RBFOX1: variants seen among roughly 807,000 people sequenced by gnomAD.
RBFOX1 encodes RNA binding protein fox-1 homolog 1.
A neutral mutation model predicts 57.7 loss-of-function variants in RBFOX1; 8 were observed. The observed-to-expected ratio is 0.14, with a 90% CI of 0.08 to 0.25. The LOEUF is 0.25. RBFOX1 is among the 10% of genes least tolerant of loss of function. RBFOX1 has a pLI of 1.00. For synonymous variants in RBFOX1, 326 were observed against 222.4 expected (o/e 1.47, Z -4.15); for missense variants, 611 against 548.5 (o/e 1.11, Z -1.14).
intron 1 of RBFOX1, among the ~76,000 whole-genome samples, chr16:6,169,595 G>A (rs2096943189): frequency 6.6e-6 from 1 of 152,126 alleles, no homozygotes; most frequent in Non-Finnish European, 1.5e-5. Flanking sequence ...AGGGAAATGA[G>A]GTACAGAAAT....
At chr16:6,826,007 G>C (rs143913714) in intron 3 of RBFOX1, among the ~76,000 whole-genome samples, 23 of 152,228 alleles carry the variant, frequency 1.5e-4, no homozygotes, top group African/African-American at 5.1e-4. Context: ...TTTACATTTT[G>C]GGTAGGCCGA....
intron 1 of RBFOX1, among the ~76,000 whole-genome samples, chr16:6,108,660 A>T (rs895431207): frequency 6.6e-6 from 1 of 152,072 alleles, no homozygotes; most frequent in Non-Finnish European, 1.5e-5. Flanking sequence ...AGATGACAGA[A>T]CTCTGAAGTC....
intron 2 of RBFOX1, among the ~76,000 whole-genome samples, chr16:6,496,102 C>A (rs553956055): frequency 6.6e-6 from 1 of 152,276 alleles, no homozygotes; most frequent in African/African-American, 2.4e-5. Flanking sequence ...ATATGTGCTA[C>A]TCTGGGGTGT....
chr16:7,511,588 C>A (rs954906371), intron 4 of RBFOX1, among the ~76,000 whole-genome samples: 5 of 152,278 alleles, frequency 3.3e-5, no homozygotes, highest in Non-Finnish European at 5.9e-5. Flanking sequence ...CAGGCTATTT[C>A]ATGCTTCAGT....
chr16:6,575,227 C>T (rs1390280139), intron 2 of RBFOX1, among the ~76,000 whole-genome samples: 1 of 152,122 alleles, frequency 6.6e-6, no homozygotes, highest in African/African-American at 2.4e-5. Flanking sequence ...CATATCATAA[C>T]TCTGATAAAG....
At chr16:7,190,054 C>G (rs1437325107) in intron 4 of RBFOX1, among the ~76,000 whole-genome samples, 2 of 152,170 alleles carry the variant, frequency 1.3e-5, no homozygotes, top group Non-Finnish European at 2.9e-5. Context: ...AGGGCTAGCA[C>G]AGTTAAATTT....
At chr16:6,946,581 A>G (rs2079565841) in intron 3 of RBFOX1, among the ~76,000 whole-genome samples, 2 of 151,986 alleles carry the variant, frequency 1.3e-5, no homozygotes, top group East Asian at 1.9e-4. Context: ...CCTGTTCTCC[A>G]AGAACCTTTT....
intron 3 of RBFOX1, among the ~76,000 whole-genome samples, chr16:6,859,834 A>C (rs529336036): frequency 1.6e-4 from 20 of 123,838 alleles, no homozygotes; most frequent in African/African-American, 6.5e-4. Context: ...GTTTCTTTAT[A>C]GAATCACACT....
At chr16:7,142,458 T>A (rs1371456791) in intron 4 of RBFOX1, among the ~76,000 whole-genome samples, 1 of 152,148 alleles carries the variant, frequency 6.6e-6, no homozygotes, top group Non-Finnish European at 1.5e-5. Flanking sequence ...GACTCTGGCT[T>A]CCTGAGAGTC....
intron 4 of RBFOX1, among the ~76,000 whole-genome samples, chr16:7,441,989 G>T (rs7189334): frequency 2.0e-5 from 3 of 152,046 alleles, no homozygotes; most frequent in Admixed American, 6.5e-5. Context: ...GAAGATTTCA[G>T]TAGCTCTTTG....
At chr16:6,670,953 T>C (rs2098760776) in intron 3 of RBFOX1, among the ~76,000 whole-genome samples, 1 of 152,238 alleles carries the variant, frequency 6.6e-6, no homozygotes, top group Admixed American at 6.5e-5. Context: ...CGAGCCGAGA[T>C]CGTGCCACTG....
At chr16:6,126,423 A>T (rs571212901) in intron 1 of RBFOX1, among the ~76,000 whole-genome samples, 17 of 152,124 alleles carry the variant, frequency 1.1e-4, no homozygotes, top group Admixed American at 6.5e-4. Flanking sequence ...ATTTTTTTTT[A>T]ATTTAAATTT....
At chr16:6,223,365 G>A (rs1217590475) in intron 1 of RBFOX1, among the ~76,000 whole-genome samples, 2 of 148,064 alleles carry the variant, frequency 1.4e-5, no homozygotes, top group Non-Finnish European at 3.0e-5. Context: ...AGCACCTGTT[G>A]TTTCCCGACT....
intron 2 of RBFOX1, among the ~76,000 whole-genome samples, chr16:6,546,524 A>G (rs1201689968): frequency 6.6e-6 from 1 of 152,184 alleles, no homozygotes; most frequent in Non-Finnish European, 1.5e-5. Context: ...TGGCAGCTCC[A>G]TAGCACCTCT....
chr16:5,357,571 A>G (rs2065425527), intron 1 of RBFOX1, among the ~76,000 whole-genome samples: 1 of 152,224 alleles, frequency 6.6e-6, no homozygotes, highest in Non-Finnish European at 1.5e-5. Flanking sequence ...GAAAATGTAG[A>G]TTCAGATTCA....
At chr16:6,229,450 T>A (rs1392716002) in intron 1 of RBFOX1, among the ~76,000 whole-genome samples, 3 of 152,182 alleles carry the variant, frequency 2.0e-5, no homozygotes, top group Non-Finnish European at 4.4e-5. Flanking sequence ...TTCTGTGTGT[T>A]TGAATCAAGA....
intron 4 of RBFOX1, among the ~76,000 whole-genome samples, chr16:7,481,086 A>G (rs1021684433): frequency 6.6e-6 from 1 of 152,084 alleles, no homozygotes; most frequent in African/African-American, 2.4e-5. Context: ...TGCTCCTTAC[A>G]TCTGGACAGT....
chr16:5,606,163 A>G (rs79592393), intron 3 of RBFOX1, among the ~76,000 whole-genome samples: 5,656 of 152,210 alleles, frequency 0.037, 248 homozygotes, highest in African/African-American at 0.11. Flanking sequence ...GTGAGAGTAG[A>G]GAGCAAGGTC....
chr16:6,882,184 C>G (rs932241350), intron 3 of RBFOX1, among the ~76,000 whole-genome samples: 4 of 152,092 alleles, frequency 2.6e-5, no homozygotes, highest in Non-Finnish European at 5.9e-5. Flanking sequence ...TTCTCTCTTC[C>G]TGGCCCCTTT....
Sources: allele counts gnomAD v4.1 joint callset (sites outside exome capture counted in the v4.1 genomes callset), GRCh38; gene constraint gnomAD v4.1.1; transcripts MANE v1.5; gene names NCBI Gene and HGNC (gene_info 2026-07-23, HGNC 2026-07-21).